SPPL3: variants seen among roughly 807,000 people sequenced by gnomAD.
SPPL3 encodes signal peptide peptidase-like 3.
SPPL3 carries 5 observed loss-of-function variants against 42.4 expected under a neutral mutation model. The observed-to-expected ratio is 0.12, with a 90% CI of 0.06 to 0.25. SPPL3 has a LOEUF of 0.25. Among genes scored for constraint, SPPL3 ranks in the 10% least tolerant of loss-of-function variants. SPPL3 has a pLI of 1.00. For missense variants in SPPL3, 235 were observed against 489.0 expected (o/e 0.48, Z 4.90); for synonymous variants, 195 against 181.8 (o/e 1.07, Z -0.58).
At chr12:120,810,025 T>G (rs1195856558) in intron 2 of SPPL3, among the ~76,000 whole-genome samples, 1 of 151,854 alleles carries the variant, frequency 6.6e-6, no homozygotes, top group African/African-American at 2.4e-5. Context: ...CAAGCTGGAG[T>G]GCAGCAGTGT....
intron 1 of SPPL3, chr12:120,845,633 G>T (rs915174927): frequency 9.4e-6 from 4 of 425,172 alleles, no homozygotes; most frequent in Non-Finnish European, 1.8e-5. Flanking sequence ...CCTTGAAGAC[G>T]TTGGCAAAGA....
intron 1 of SPPL3, among the ~76,000 whole-genome samples, chr12:120,821,391 C>T (rs1871063293): frequency 6.6e-6 from 1 of 152,204 alleles, no homozygotes; most frequent in African/African-American, 2.4e-5. Context: ...AACACTGCAG[C>T]CGGAAACAGC....
At chr12:120,870,392 C>G (rs1055754142) in intron 1 of SPPL3, among the ~76,000 whole-genome samples, 3 of 152,058 alleles carry the variant, frequency 2.0e-5, no homozygotes, top group Admixed American at 2.0e-4. Flanking sequence ...TCACGGTAAG[C>G]AGAGATTGAG....
chr12:120,887,985 C>T (rs183658338), intron 1 of SPPL3, among the ~76,000 whole-genome samples: 1 of 152,262 alleles, frequency 6.6e-6, no homozygotes, highest in African/African-American at 2.4e-5. Flanking sequence ...AAACTATGAG[C>T]CAGCAACTTT....
intron 6 of SPPL3, among the ~76,000 whole-genome samples, chr12:120,772,590 A>T (rs1869163276): frequency 6.6e-6 from 1 of 152,224 alleles, no homozygotes; most frequent in Admixed American, 6.5e-5. Context: ...GAAAGTAAAA[A>T]GCCATATGAA....
chr12:120,898,930 T>C (rs1475384470), intron 1 of SPPL3, among the ~76,000 whole-genome samples: 1 of 152,208 alleles, frequency 6.6e-6, no homozygotes, highest in Non-Finnish European at 1.5e-5. Flanking sequence ...CCAACATTAG[T>C]AATGTTGAGC....
chr12:120,902,771 T>C (rs976983114), intron 1 of SPPL3, among the ~76,000 whole-genome samples: 7 of 152,178 alleles, frequency 4.6e-5, no homozygotes, highest in Admixed American at 1.3e-4. Context: ...TTTCTCTAAA[T>C]TGCAATCAGG....
In SPPL3 at chr12:120,783,913, T is replaced by TA. The variant is rs142981734; in HGVS notation, c.311-162dup. Among the ~76,000 whole-genome samples the TA allele has an allele frequency of 6.0e-3, 907 of 152,076 alleles. 11 individuals are homozygous for TA. The highest frequency in any genetic ancestry group is 0.02 in the African/African-American group (815 of 41,498). The stretch of plus-strand genomic sequence containing the variant: ...ACTGCACAAAAAATCTCTTCATTAT[T>TA]AAAAAAAAGTACCTGATTTGAAGTA... On this transcript the variant is annotated intron_variant, in intron 4 of 10. Transcript: ENST00000353487.
intron 1 of SPPL3, among the ~76,000 whole-genome samples, chr12:120,865,882 GCTCACATTAACGCCTGAGTTCTAC>G (rs1177247517): frequency 8.5e-5 from 13 of 152,156 alleles, no homozygotes; most frequent in Non-Finnish European, 1.8e-4. Flanking sequence ...GCTCCCCATC[GCTCACATTAACGCCTGAGTTCTAC>G]CTCCTGTCAG....
intron 1 of SPPL3, among the ~76,000 whole-genome samples, chr12:120,890,861 T>C (rs1873619136): frequency 6.6e-6 from 1 of 152,146 alleles, no homozygotes; most frequent in Non-Finnish European, 1.5e-5. Context: ...GTCTCCGAGG[T>C]ATCTAGCTGT....
chr12:120,886,524 A>G (rs922495975), intron 1 of SPPL3, among the ~76,000 whole-genome samples: 4 of 152,188 alleles, frequency 2.6e-5, no homozygotes, highest in African/African-American at 4.8e-5. Context: ...GGACCAAACG[A>G]TAACAGTTCC....
chr12:120,796,193 T>C (rs1025027698), intron 2 of SPPL3, among the ~76,000 whole-genome samples: 1 of 152,114 alleles, frequency 6.6e-6, no homozygotes, highest in Non-Finnish European at 1.5e-5. Context: ...CTGGCCAACA[T>C]GGTGAAACCC....
chr12:120,813,515 T>A (rs896994754), intron 1 of SPPL3, among the ~76,000 whole-genome samples: 1 of 151,898 alleles, frequency 6.6e-6, no homozygotes, highest in Non-Finnish European at 1.5e-5. Flanking sequence ...GAGACGGGGT[T>A]TCATCATGTT....
In SPPL3 at chr12:120,904,124, C is replaced by A; in HGVS notation, c.-257G>T. 1 of 304,718 alleles carries A rather than the reference C, an allele frequency of 3.3e-6. No homozygotes were observed. Among genetic ancestry groups the A allele is most frequent in the Non-Finnish European group, 6.0e-6 (1 of 167,470 alleles). The allele number at this position is 304,718 out of a possible 1,614,324, so 18.9% of individuals were successfully genotyped here. A position where few individuals can be genotyped will look rare whatever the true frequency, so the allele number is the denominator to read the frequency against. ...CTCACCCGCGGCGGCGGCGGCGGCT[C>A]CGCTGCAGCTCCAAACCCAACATGG... On this transcript the variant is annotated 5_prime_UTR_variant, in exon 1 of 11. Coordinates refer to ENST00000353487, the MANE Select transcript of SPPL3 (RefSeq NM_139015.5).
chr12:120,774,540 A>T (rs775131731), intron 6 of SPPL3, among the ~76,000 whole-genome samples: 2 of 152,002 alleles, frequency 1.3e-5, no homozygotes, highest in Non-Finnish European at 2.9e-5. Flanking sequence ...TTCCAATTAG[A>T]CCATCTAGGT....
At chr12:120,837,829 C>A (rs1299849746) in intron 1 of SPPL3, among the ~76,000 whole-genome samples, 1 of 151,884 alleles carries the variant, frequency 6.6e-6, no homozygotes, top group African/African-American at 2.4e-5. Flanking sequence ...CATACACACA[C>A]ACACACACAT....
chr12:120,862,636 A>G (rs1319778615), intron 1 of SPPL3, among the ~76,000 whole-genome samples: 1 of 152,198 alleles, frequency 6.6e-6, no homozygotes. Context: ...AGGAGTATGC[A>G]AAGTTTCCAT....
At chr12:120,784,221 T>C (rs985379917) in intron 4 of SPPL3, 6 of 316,984 alleles carry the variant, frequency 1.9e-5, no homozygotes, top group South Asian at 1.4e-4. Flanking sequence ...TCTGGTGTCA[T>C]AGAATTCCTG....
chr12:120,770,334 CTTTT>C (rs1335779301), intron 6 of SPPL3, among the ~76,000 whole-genome samples: 1 of 152,140 alleles, frequency 6.6e-6, no homozygotes, highest in East Asian at 1.9e-4. Flanking sequence ...GCCTAAAGTC[CTTTT>C]TTTAATGACT....
Sources: gnomAD v4.1 joint callset for allele counts (sites outside exome capture counted in the v4.1 genomes callset) on GRCh38, gnomAD v4.1.1 for gene constraint, MANE v1.5 for transcripts, NCBI Gene and HGNC (gene_info 2026-07-23, HGNC 2026-07-21) for gene names.